The following PTPRT variants were observed in gnomAD, a reference collection of about 807,000 sequenced individuals.
PTPRT encodes receptor-type tyrosine-protein phosphatase T.
Under a neutral mutation model 176.8 loss-of-function variants are expected in PTPRT, and 56 were observed. That is an observed-to-expected ratio of 0.32 (90% CI 0.26 to 0.40). The LOEUF (loss-of-function observed/expected upper bound fraction) is 0.40, where lower values mean the gene tolerates loss of function less well. Among genes scored for constraint, PTPRT ranks in the 10% least tolerant of loss-of-function variants. The pLI, the probability that PTPRT is intolerant of heterozygous loss-of-function variation, is 1.00. For synonymous variants in PTPRT, 783 were observed against 739.0 expected (o/e 1.06, Z -0.96); for missense variants, 1,540 against 1,908.2 (o/e 0.81, Z 3.60).
At chr20:43,050,892 C>T (rs1260840670) in intron 1 of PTPRT, among the ~76,000 whole-genome samples, 1 of 152,206 alleles carries the variant, frequency 6.6e-6, no homozygotes, top group Non-Finnish European at 1.5e-5. Context: ...CTCCTGGGTG[C>T]ACTGATAGGT....
intron 2 of PTPRT, among the ~76,000 whole-genome samples, chr20:42,824,322 T>G (rs1392272137): frequency 6.7e-6 from 1 of 150,364 alleles, no homozygotes; most frequent in African/African-American, 2.5e-5. Context: ...TTTTGTTTTG[T>G]TTTTTTTCAT....
intron 9 of PTPRT, among the ~76,000 whole-genome samples, chr20:42,421,253 C>T (rs575062384): frequency 5.8e-5 from 8 of 136,958 alleles, no homozygotes; most frequent in African/African-American, 2.2e-4. Flanking sequence ...CATACACACA[C>T]ACGCACGCAC....
chr20:42,581,992 A>G (rs1408635095), intron 7 of PTPRT, among the ~76,000 whole-genome samples: 2 of 152,218 alleles, frequency 1.3e-5, no homozygotes, highest in Admixed American at 1.3e-4. Flanking sequence ...TTGGAACAAA[A>G]AAGGGGCTGG....
At chr20:43,173,786 G>A (rs570368976) in intron 1 of PTPRT, among the ~76,000 whole-genome samples, 7 of 152,342 alleles carry the variant, frequency 4.6e-5, no homozygotes, top group Non-Finnish European at 1.0e-4. Context: ...GTATGACTGG[G>A]ATAGTTGAGA....
chr20:42,243,343 C>A (rs542421529), intron 14 of PTPRT, among the ~76,000 whole-genome samples: 2 of 152,134 alleles, frequency 1.3e-5, no homozygotes, highest in East Asian at 3.9e-4. Flanking sequence ...GATCTTCAGG[C>A]CAGCAAAACT....
chr20:42,732,247 G>T (rs2076472762), intron 6 of PTPRT, among the ~76,000 whole-genome samples: 2 of 152,194 alleles, frequency 1.3e-5, no homozygotes, highest in Admixed American at 1.3e-4. Context: ...TACTGAGCCA[G>T]AGATGCCAGA....
intron 9 of PTPRT, among the ~76,000 whole-genome samples, chr20:42,441,130 C>T (rs1428543989): frequency 2.0e-5 from 3 of 152,170 alleles, no homozygotes; most frequent in African/African-American, 7.2e-5. Context: ...CATACCCTCA[C>T]GAGGGTTCAA....
chr20:43,150,868 T>A (rs1016345854), intron 1 of PTPRT, among the ~76,000 whole-genome samples: 19 of 152,172 alleles, frequency 1.2e-4, no homozygotes, highest in Admixed American at 1.2e-3. Context: ...TACCTAGAGA[T>A]GAAGGCAGAT....
intron 7 of PTPRT, among the ~76,000 whole-genome samples, chr20:42,636,440 AAG>A (rs1274345375): frequency 1.3e-5 from 2 of 152,122 alleles, no homozygotes; most frequent in Admixed American, 1.3e-4. Context: ...ACCTTTGGTG[AAG>A]AGTGTGATAT....
At chr20:42,322,149 AG>A (rs2057808453) in intron 11 of PTPRT, among the ~76,000 whole-genome samples, 1 of 152,094 alleles carries the variant, frequency 6.6e-6, no homozygotes, top group Non-Finnish European at 1.5e-5. Flanking sequence ...GCTCATGGGT[AG>A]GAAGAATCAA....
At chr20:43,106,713 AAGGGAGGG>A (rs1370659420) in intron 1 of PTPRT, among the ~76,000 whole-genome samples, 1 of 137,190 alleles carries the variant, frequency 7.3e-6, no homozygotes, top group Non-Finnish European at 1.6e-5. Context: ...GGAAAGAAGG[AAGGGAGGG>A]AGGGAGGGAG....
chr20:42,743,579 C>A (rs1331781101), intron 6 of PTPRT, among the ~76,000 whole-genome samples: 1 of 152,132 alleles, frequency 6.6e-6, no homozygotes, highest in Admixed American at 6.5e-5. Context: ...ATTATTTTGA[C>A]AAATAGTCAA....
Position 42,481,683 on chromosome 20 carries a change from G to A in PTPRT, c.1154-9121C>T, listed in dbSNP as rs569248358. On this transcript the variant is annotated intron_variant, in intron 7 of 30. Transcript: ENST00000373187. ...CTCACTATTTGCCCAAGCGGGTCTC[G>A]AAATCCTGGCCTCAAGTGATCCTCC... is the stretch of plus-strand genomic sequence containing the variant. Among the ~76,000 whole-genome samples, 34 of 151,126 alleles carry A rather than the reference G, an allele frequency of 2.2e-4. 1 individual carries two copies. The South Asian group carries it at 7.1e-3, about 32-fold the overall frequency.
chr20:42,658,569 T>TGCA (rs2075166867), intron 7 of PTPRT, among the ~76,000 whole-genome samples: 1 of 152,178 alleles, frequency 6.6e-6, no homozygotes, highest in Non-Finnish European at 1.5e-5. Flanking sequence ...TAGTAATATG[T>TGCA]GCACTGGGCA....
chr20:42,969,569 C>T (rs1982498410), intron 1 of PTPRT: 1 of 152,180 alleles, frequency 6.6e-6, no homozygotes. Context: ...CCACGTAAGC[C>T]ATAAAATCAA....
intron 1 of PTPRT, among the ~76,000 whole-genome samples, chr20:43,087,392 C>T (rs75366459): frequency 8.8e-6 from 1 of 113,998 alleles, no homozygotes. Flanking sequence ...TTTTTTTCTC[C>T]GAAACAGGGT....
chr20:42,369,721 A>C (rs937982538), intron 9 of PTPRT, among the ~76,000 whole-genome samples: 2 of 152,164 alleles, frequency 1.3e-5, no homozygotes, highest in Admixed American at 6.5e-5. Context: ...GGGCAGACAC[A>C]CTTAAGGAAG....
At chr20:42,108,010 A>C (rs923550152) in intron 23 of PTPRT, among the ~76,000 whole-genome samples, 1 of 151,882 alleles carries the variant, frequency 6.6e-6, no homozygotes, top group Non-Finnish European at 1.5e-5. Context: ...GGGACTCAAG[A>C]GACTTGGCCT....
intron 1 of PTPRT, among the ~76,000 whole-genome samples, chr20:43,077,177 G>A (rs746105635): frequency 5.9e-5 from 9 of 152,220 alleles, no homozygotes; most frequent in Non-Finnish European, 1.2e-4. Context: ...AAAAAAGAGT[G>A]TAAGATTGTG....
Sources: gnomAD v4.1 joint callset for allele counts (sites outside exome capture counted in the v4.1 genomes callset) on GRCh38, gnomAD v4.1.1 for gene constraint, MANE v1.5 for transcripts, NCBI Gene and HGNC (gene_info 2026-07-23, HGNC 2026-07-21) for gene names.